Variants in MAGI2 observed in about 807,000 individuals in gnomAD.
The protein encoded by MAGI2 is membrane-associated guanylate kinase, WW and PDZ domain-containing protein 2.
A neutral mutation model predicts 133.3 loss-of-function variants in MAGI2; 35 were observed. The ratio of observed to expected loss-of-function variants is 0.26; its 90% confidence interval spans 0.20 to 0.35. The LOEUF is 0.35. Among genes scored for constraint, MAGI2 ranks in the 10% least tolerant of loss-of-function variants. MAGI2 has a pLI of 1.00. For missense variants in MAGI2, 1,636 were observed against 1,863.4 expected (o/e 0.88, Z 2.25); for synonymous variants, 729 against 710.6 (o/e 1.03, Z -0.41).
chr7:78,098,269 T>G (rs572090468), intron 20 of MAGI2, among the ~76,000 whole-genome samples: 4 of 152,284 alleles, frequency 2.6e-5, no homozygotes, highest in Admixed American at 1.3e-4. Flanking sequence ...CCAGTTTTTA[T>G]GATTTTCACT....
At chr7:78,293,466 A>G (rs1187963480) in intron 9 of MAGI2, among the ~76,000 whole-genome samples, 2 of 152,218 alleles carry the variant, frequency 1.3e-5, no homozygotes. Context: ...GAGAAATAGG[A>G]ACACTTTTAC....
At chr7:78,201,777 G>T (rs1194984449) in intron 10 of MAGI2, among the ~76,000 whole-genome samples, 1 of 152,164 alleles carries the variant, frequency 6.6e-6, no homozygotes. Context: ...CAGACATTTT[G>T]TGTGAAGAGC....
intron 2 of MAGI2, among the ~76,000 whole-genome samples, chr7:78,818,702 G>A (rs1008676936): frequency 6.6e-6 from 1 of 152,106 alleles, no homozygotes; most frequent in Non-Finnish European, 1.5e-5. Flanking sequence ...GGCAAGATAA[G>A]ATGACTTCAC....
chr7:79,410,196 T>G (rs2129170601), intron 1 of MAGI2: 1 of 152,262 alleles, frequency 6.6e-6, no homozygotes, highest in African/African-American at 2.4e-5. Context: ...TTGATGAAAT[T>G]TAGTGTTCAT....
At chr7:78,085,958 G>A (rs1437002148) in intron 20 of MAGI2, among the ~76,000 whole-genome samples, 4 of 152,184 alleles carry the variant, frequency 2.6e-5, no homozygotes, top group African/African-American at 4.8e-5. Flanking sequence ...GCTGGCTTTA[G>A]CAAAGATTTA....
At chr7:79,314,297 C>T (rs139302109) in intron 1 of MAGI2, among the ~76,000 whole-genome samples, 2,142 of 151,896 alleles carry the variant, frequency 0.014, 53 homozygotes, top group African/African-American at 0.049. Context: ...TTTGTAGAGA[C>T]GGGGTTTCAC....
chr7:79,427,200 T>G (rs1324434507), intron 1 of MAGI2, among the ~76,000 whole-genome samples: 1 of 152,116 alleles, frequency 6.6e-6, no homozygotes, highest in African/African-American at 2.4e-5. Flanking sequence ...GGAAAGGGAC[T>G]AAGAAGATAT....
intron 2 of MAGI2, among the ~76,000 whole-genome samples, chr7:78,796,764 G>A (rs1235544145): frequency 6.6e-6 from 1 of 151,888 alleles, no homozygotes; most frequent in East Asian, 1.9e-4. Flanking sequence ...GATAAAATGT[G>A]GTATATATAC....
In MAGI2 at chr7:79,279,964, A is replaced by C. The variant is rs141646448; in HGVS notation, c.301+173056T>G. ...ATTAAAGTGATGACATTGAATGCAT[A>C]TATTTCTATCTGTAGTCTGGAATAT... On this transcript the variant is annotated intron_variant, in intron 1 of 21. Transcript: ENST00000354212. Among the ~76,000 whole-genome samples the C allele has an allele frequency of 9.8e-5, 15 of 152,334 alleles. No homozygotes were observed. The East Asian group carries it at 2.9e-3, about 29-fold the overall frequency.
intron 6 of MAGI2, among the ~76,000 whole-genome samples, chr7:78,382,075 A>G (rs909878730): frequency 6.6e-6 from 1 of 152,224 alleles, no homozygotes; most frequent in African/African-American, 2.4e-5. Flanking sequence ...TTAAATGTAC[A>G]TGATATGTGC....
intron 1 of MAGI2, among the ~76,000 whole-genome samples, chr7:79,029,028 T>G (rs1392028314): frequency 6.6e-6 from 1 of 152,188 alleles, no homozygotes; most frequent in Admixed American, 6.5e-5. Flanking sequence ...TTTATGGAAG[T>G]ATGTGGCCAA....
chr7:78,912,721 A>G (rs1186722367), intron 2 of MAGI2, among the ~76,000 whole-genome samples: 1 of 146,738 alleles, frequency 6.8e-6, no homozygotes, highest in East Asian at 2.0e-4. Flanking sequence ...CCCTTTATAT[A>G]TATATATCAT....
chr7:78,841,206 A>G (rs1488349677), intron 2 of MAGI2, among the ~76,000 whole-genome samples: 1 of 152,040 alleles, frequency 6.6e-6, no homozygotes, highest in Non-Finnish European at 1.5e-5. Context: ...TATAGCTGAA[A>G]TTCTGCCTCC....
chr7:78,490,188 T>C (rs968990008), intron 5 of MAGI2: 4 of 314,896 alleles, frequency 1.3e-5, no homozygotes, highest in Admixed American at 4.8e-5. Context: ...TCTGATAATG[T>C]TTCCTGAGTT....
intron 1 of MAGI2, among the ~76,000 whole-genome samples, chr7:79,153,307 A>T (rs11760355): frequency 6.6e-6 from 1 of 151,986 alleles, no homozygotes; most frequent in Non-Finnish European, 1.5e-5. Flanking sequence ...AATGCCCACC[A>T]GGCTCTGAGC....
intron 1 of MAGI2, among the ~76,000 whole-genome samples, chr7:79,359,669 A>AACACACACACACACAC: frequency 7.1e-6 from 1 of 140,118 alleles, no homozygotes; most frequent in South Asian, 2.3e-4. Flanking sequence ...TCAAGTGGGA[A>AACACACACACACACAC]ACACACACAC....
chr7:78,522,778 T>G (rs1291421935), intron 3 of MAGI2, among the ~76,000 whole-genome samples: 1 of 152,234 alleles, frequency 6.6e-6, no homozygotes, highest in African/African-American at 2.4e-5. Context: ...GAAATCAATC[T>G]TATAGCACCA....
At chr7:78,478,235 T>G (rs10246338) in intron 6 of MAGI2, among the ~76,000 whole-genome samples, 122,829 of 151,780 alleles carry the variant, frequency 0.81, 50,515 homozygotes, top group African/African-American at 0.95. Context: ...TGCTGAGAAT[T>G]ATGGTTTCCA....
chr7:78,566,911 T>C (rs564354360), intron 3 of MAGI2, among the ~76,000 whole-genome samples: 1 of 152,308 alleles, frequency 6.6e-6, no homozygotes, highest in East Asian at 1.9e-4. Context: ...TGAGATTTTA[T>C]TCTGCTTCTG....
Sources: allele counts gnomAD v4.1 joint callset (sites outside exome capture counted in the v4.1 genomes callset), GRCh38; gene constraint gnomAD v4.1.1; transcripts MANE v1.5; gene names NCBI Gene and HGNC (gene_info 2026-07-23, HGNC 2026-07-21).